BLTP1: variants seen among roughly 807,000 people sequenced by gnomAD.
BLTP1 encodes bridge-like lipid transfer protein family member 1.
the BLTP1 span, among the ~76,000 whole-genome samples, chr4:122,184,277 G>C: frequency 1.3e-5 from 2 of 152,298 alleles, no homozygotes; most frequent in African/African-American, 2.4e-5. Flanking sequence ...TGCAGTGTAA[G>C]TAAGATATCT....
chr4:122,279,698 GCT>G, the BLTP1 span: 1 of 1,458,954 alleles, frequency 6.9e-7, no homozygotes, highest in South Asian at 1.3e-5. Context: ...TATTTTTCTT[GCT>G]CTCAATATTT....
chr4:122,275,874 G>A, the BLTP1 span: 3 of 1,290,868 alleles, frequency 2.3e-6, no homozygotes, highest in Admixed American at 3.2e-5. Context: ...AATTAGAAAA[G>A]CTTTCCAGAT....
the BLTP1 span, among the ~76,000 whole-genome samples, chr4:122,155,615 C>T: frequency 9.9e-5 from 15 of 152,070 alleles, no homozygotes; most frequent in Non-Finnish European, 1.5e-4. Flanking sequence ...TGAGCCACCG[C>T]GCCTGGTGAA....
the BLTP1 span, chr4:122,187,869 T>G: frequency 6.4e-7 from 1 of 1,559,540 alleles, no homozygotes. Context: ...ATAATATCTC[T>G]TATCTGTTTA....
At chr4:122,316,472 G>C in the BLTP1 span, 2 of 500,370 alleles carry the variant, frequency 4.0e-6, no homozygotes, top group South Asian at 3.1e-5. Context: ...GAGTATCTGT[G>C]TGACCCAGAG....
At chr4:122,257,152 CTAAA>C in the BLTP1 span, 2 of 1,189,722 alleles carry the variant, frequency 1.7e-6, no homozygotes, top group Non-Finnish European at 2.4e-6. Context: ...TTCTTTATCT[CTAAA>C]TGAGTATTAT....
chr4:122,184,741 C>T, the BLTP1 span: 1 of 985,106 alleles, frequency 1.0e-6, no homozygotes, highest in Non-Finnish European at 1.2e-6. Context: ...AGTCTAGAGA[C>T]TCATTAGCAT....
the BLTP1 span, among the ~76,000 whole-genome samples, chr4:122,260,690 T>A: frequency 1.4e-3 from 215 of 152,094 alleles, 1 homozygote; most frequent in Admixed American, 0.014. Context: ...TAGAAGGTGA[T>A]GCTCTTTTAT....
the BLTP1 span, chr4:122,343,662 T>C: frequency 6.3e-7 from 1 of 1,577,230 alleles, no homozygotes; most frequent in Non-Finnish European, 8.7e-7. Context: ...CTTTTCAAGC[T>C]TTCAAGCTTT....
the BLTP1 span, among the ~76,000 whole-genome samples, chr4:122,194,986 A>G: frequency 1.3e-5 from 2 of 152,176 alleles, no homozygotes; most frequent in Non-Finnish European, 2.9e-5. Flanking sequence ...CTCCTCAATT[A>G]CATGTTCAAA....
At chr4:122,192,398 T>G in the BLTP1 span, 1 of 1,523,206 alleles carries the variant, frequency 6.6e-7, no homozygotes, top group East Asian at 2.3e-5. Flanking sequence ...GTATGTTATA[T>G]TTCTAATAAG....
At chr4:122,205,303 T>A in the BLTP1 span, among the ~76,000 whole-genome samples, 2 of 151,848 alleles carry the variant, frequency 1.3e-5, no homozygotes, top group African/African-American at 4.8e-5. Flanking sequence ...GCCAGTTACT[T>A]TGTTCAAACT....
At chr4:122,230,233 G>A in the BLTP1 span, 1 of 1,601,526 alleles carries the variant, frequency 6.2e-7, no homozygotes, top group East Asian at 2.2e-5. Context: ...TGTTAAGAAT[G>A]GCAGTAGTCT....
chr4:122,247,426 C>T, the BLTP1 span: 1 of 1,551,820 alleles, frequency 6.4e-7, no homozygotes, highest in Non-Finnish European at 8.9e-7. Context: ...CAGAAGGGAA[C>T]ATGTTTTTTT....
the BLTP1 span, chr4:122,246,377 G>A: frequency 1.7e-5 from 21 of 1,260,452 alleles, no homozygotes; most frequent in Admixed American, 5.0e-5. Flanking sequence ...AGTTACCAAC[G>A]TGAATAATGG....
At chr4:122,184,138 G>A in the BLTP1 span, among the ~76,000 whole-genome samples, 1 of 152,012 alleles carries the variant, frequency 6.6e-6, no homozygotes. Flanking sequence ...ATCTCTCTAA[G>A]GAACAAACTA....
the BLTP1 span, chr4:122,272,507 A>ATT: frequency 1.1e-5 from 10 of 952,066 alleles, no homozygotes; most frequent in Non-Finnish European, 1.3e-5. Context: ...TAATTGGCAA[A>ATT]TTTTTTTTTT....
At chr4:122,294,417 G>C in the BLTP1 span, among the ~76,000 whole-genome samples, 25 of 152,208 alleles carry the variant, frequency 1.6e-4, no homozygotes, top group African/African-American at 5.8e-4. Context: ...TGTCATCTTT[G>C]CTGTTTCACA....
chr4:122,247,179 A>G, the BLTP1 span: 8 of 1,613,092 alleles, frequency 5.0e-6, no homozygotes, highest in South Asian at 8.8e-5. Flanking sequence ...AAGAGACTTC[A>G]AACAATGCAG....
Sources: allele counts gnomAD v4.1 joint callset (sites outside exome capture counted in the v4.1 genomes callset), GRCh38; gene constraint gnomAD v4.1.1; transcripts MANE v1.5; gene names NCBI Gene and HGNC (gene_info 2026-07-23, HGNC 2026-07-21).